Variants in EEFSEC observed in about 807,000 individuals in gnomAD.
The protein encoded by EEFSEC is eukaryotic elongation factor, selenocysteine-tRNA specific, also known as selenocysteine-specific elongation factor.
In EEFSEC, 43 loss-of-function variants were observed where a neutral mutation model predicts 42.1. That is an observed-to-expected ratio of 1.02 (90% confidence interval 0.80 to 1.32). The LOEUF (loss-of-function observed/expected upper bound fraction) is 1.32, where lower values mean the gene tolerates loss of function less well. EEFSEC is among the 40% of genes most tolerant of loss of function. EEFSEC has a pLI of 0.00. For synonymous variants in EEFSEC, 354 were observed against 339.1 expected (o/e 1.04, Z -0.48); for missense variants, 745 against 803.6 (o/e 0.93, Z 0.88).
At chr3:128,385,691 A>G (rs1035486252) in intron 6 of EEFSEC, among the ~76,000 whole-genome samples, 1 of 152,340 alleles carries the variant, frequency 6.6e-6, no homozygotes, top group Admixed American at 6.5e-5. Context: ...CTCACTGGCT[A>G]AGCTTGGAGA....
At chr3:128,195,441 C>G (rs1174358745) in intron 1 of EEFSEC, among the ~76,000 whole-genome samples, 3 of 152,020 alleles carry the variant, frequency 2.0e-5, no homozygotes, top group African/African-American at 7.2e-5. Flanking sequence ...AATAGAAAAC[C>G]AGGCCTGTGT....
rs554473609 is a variant in EEFSEC at position 128,370,582 on chromosome 3, G to T, written c.1600+12209G>T. On this transcript the variant is annotated intron_variant, in intron 6 of 6. Transcript: ENST00000254730. ...ATGGGGCTAAGCCAGGGCCTGTGGAGGGAGGAGAGGAGCTGCTACTTCCCC... is the reference window on the plus strand; with the variant it reads ...ATGGGGCTAAGCCAGGGCCTGTGGATGGAGGAGAGGAGCTGCTACTTCCCC... Among the ~76,000 whole-genome samples, 8 of 152,334 alleles carry T rather than the reference G, an allele frequency of 5.3e-5. No individual in the cohort carries two copies. In the South Asian group the frequency reaches 1.4e-3, roughly 28 times the overall value.
At chr3:128,180,240 G>A (rs1490909135) in intron 1 of EEFSEC, among the ~76,000 whole-genome samples, 1 of 152,144 alleles carries the variant, frequency 6.6e-6, no homozygotes, top group East Asian at 1.9e-4. Context: ...AAACTACGAA[G>A]GACTTCAATA....
At chr3:128,258,923 G>T (rs2066269242) in intron 2 of EEFSEC, among the ~76,000 whole-genome samples, 1 of 152,156 alleles carries the variant, frequency 6.6e-6, no homozygotes, top group African/African-American at 2.4e-5. Context: ...ATGGAGGATT[G>T]TTCTCATGAT....
At chr3:128,215,381 CTT>C (rs2065799615) in intron 1 of EEFSEC, among the ~76,000 whole-genome samples, 1 of 152,044 alleles carries the variant, frequency 6.6e-6, no homozygotes, top group African/African-American at 2.4e-5. Context: ...GTCTATGTGA[CTT>C]TGGATAAAAT....
At chr3:128,351,748 G>A (rs2067388003) in intron 5 of EEFSEC, among the ~76,000 whole-genome samples, 1 of 152,212 alleles carries the variant, frequency 6.6e-6, no homozygotes. Flanking sequence ...GACCCACCTG[G>A]CGTGTAAGCA....
At chr3:128,412,408 C>T (rs560672637), downstream of EEFSEC, among the ~76,000 whole-genome samples, 28 of 152,354 alleles carry the variant, frequency 1.8e-4, 1 homozygote, top group African/African-American at 3.4e-4. Context: ...AGGCCAGCCC[C>T]GCTGACAGCC....
chr3:128,236,383 G>A (rs562417294), intron 1 of EEFSEC, among the ~76,000 whole-genome samples: 2 of 152,112 alleles, frequency 1.3e-5, no homozygotes, highest in Admixed American at 6.5e-5. Flanking sequence ...CTAGTTCTGC[G>A]ACCCGTGACT....
At chr3:128,388,974 CAT>C (rs1351349753) in intron 6 of EEFSEC, among the ~76,000 whole-genome samples, 1 of 152,208 alleles carries the variant, frequency 6.6e-6, no homozygotes, top group Non-Finnish European at 1.5e-5. Flanking sequence ...CCCTGTGCCT[CAT>C]GTGGTGCTGG....
At chr3:128,329,412 A>AC (rs577323878) in intron 4 of EEFSEC, among the ~76,000 whole-genome samples, 23,989 of 137,768 alleles carry the variant, frequency 0.17, 2,288 homozygotes, top group African/African-American at 0.28. Flanking sequence ...ACCCAGCCCC[A>AC]CCCCCCCCCA....
At chr3:128,197,814 C>G (rs137869190) in intron 1 of EEFSEC, among the ~76,000 whole-genome samples, 6 of 152,120 alleles carry the variant, frequency 3.9e-5, no homozygotes, top group Admixed American at 3.9e-4. Context: ...GCCCCAGGTC[C>G]CCCGGTTTTG....
At chr3:128,185,917 TTTGTGTAA>T (rs1486245186) in intron 1 of EEFSEC, among the ~76,000 whole-genome samples, 1 of 152,242 alleles carries the variant, frequency 6.6e-6, no homozygotes, top group Non-Finnish European at 1.5e-5. Context: ...TGTACATGTT[TTTGTGTAA>T]ACATACATTT....
chr3:128,267,080 C>T (rs1454177107), intron 4 of EEFSEC, among the ~76,000 whole-genome samples: 1 of 151,856 alleles, frequency 6.6e-6, no homozygotes, highest in Non-Finnish European at 1.5e-5. Context: ...AGAGGGCTCT[C>T]TGGGGGGTGG....
At chr3:128,328,327 C>A (rs1489568623) in intron 4 of EEFSEC, among the ~76,000 whole-genome samples, 2 of 152,158 alleles carry the variant, frequency 1.3e-5, no homozygotes, top group East Asian at 1.9e-4. Context: ...AGTCTAACAG[C>A]CATCTTGTGG....
intron 1 of EEFSEC, among the ~76,000 whole-genome samples, chr3:128,182,202 T>A (rs1026619808): frequency 6.6e-6 from 1 of 152,208 alleles, no homozygotes; most frequent in Non-Finnish European, 1.5e-5. Context: ...TGAGTGCCTA[T>A]TAAATTATCT....
chr3:128,272,915 C>A (rs2066429479), intron 4 of EEFSEC, among the ~76,000 whole-genome samples: 1 of 152,148 alleles, frequency 6.6e-6, no homozygotes, highest in Non-Finnish European at 1.5e-5. Flanking sequence ...TTCCCAGTGT[C>A]CACACCATCA....
intron 2 of EEFSEC, among the ~76,000 whole-genome samples, chr3:128,254,220 G>T (rs2066218410): frequency 6.6e-6 from 1 of 152,206 alleles, no homozygotes; most frequent in Non-Finnish European, 1.5e-5. Context: ...TTTGCTTCTG[G>T]CTGGGGAGTC....
the EEFSEC span, among the ~76,000 whole-genome samples, chr3:128,414,400 GA>G: frequency 6.6e-6 from 1 of 152,230 alleles, no homozygotes; most frequent in Non-Finnish European, 1.5e-5. Context: ...CAGGGACCCA[GA>G]GGACCTTGAG....
chr3:128,337,952 G>T (rs1390912652), intron 4 of EEFSEC, among the ~76,000 whole-genome samples: 1 of 152,186 alleles, frequency 6.6e-6, no homozygotes, highest in East Asian at 1.9e-4. Context: ...GCCCATGCAG[G>T]ATCCTTGTGA....
Sources: gnomAD v4.1 joint callset for allele counts (sites outside exome capture counted in the v4.1 genomes callset) on GRCh38, gnomAD v4.1.1 for gene constraint, MANE v1.5 for transcripts, NCBI Gene and HGNC (gene_info 2026-07-23, HGNC 2026-07-21) for gene names.